The following NR3C2 variants were observed in gnomAD, a reference collection of about 807,000 sequenced individuals.
The protein encoded by NR3C2 is mineralocorticoid receptor.
Under a neutral mutation model 86.4 loss-of-function variants are expected in NR3C2, and 15 were observed. The observed-to-expected ratio is 0.17, with a 90% confidence interval of 0.12 to 0.27. The LOEUF is 0.27. Among genes scored for constraint, NR3C2 ranks in the 10% least tolerant of loss-of-function variants. NR3C2 has a pLI of 1.00. For synonymous variants in NR3C2, 458 were observed against 450.5 expected, an observed-to-expected ratio of 1.02 and a Z score of -0.21; for missense variants, 960 against 1,195.6, an observed-to-expected ratio of 0.80 and a Z score of 2.91.
intron 2 of NR3C2, among the ~76,000 whole-genome samples, chr4:148,325,722 T>A (rs182782840): frequency 6.6e-6 from 1 of 152,208 alleles, no homozygotes; most frequent in South Asian, 2.1e-4. Context: ...CGGTAGCAAA[T>A]GGTAAGTTTT....
intron 2 of NR3C2, among the ~76,000 whole-genome samples, chr4:148,357,628 C>G (rs895733046): frequency 6.6e-6 from 1 of 152,068 alleles, no homozygotes; most frequent in African/African-American, 2.4e-5. Context: ...AGGAAAATAC[C>G]AACATGACAA....
intron 2 of NR3C2, among the ~76,000 whole-genome samples, chr4:148,336,672 C>G (rs915187281): frequency 6.6e-6 from 1 of 152,120 alleles, no homozygotes; most frequent in African/African-American, 2.4e-5. Context: ...ACAGAGTTTT[C>G]TAGATTTTGG....
chr4:148,321,089 A>G (rs1194356276), intron 2 of NR3C2, among the ~76,000 whole-genome samples: 3 of 150,624 alleles, frequency 2.0e-5, no homozygotes, highest in Non-Finnish European at 4.4e-5. Flanking sequence ...CTTTGTTCTC[A>G]TTGGTTTCAA....
intron 1 of NR3C2, among the ~76,000 whole-genome samples, chr4:148,437,792 T>C (rs1750150422): frequency 6.6e-6 from 1 of 152,156 alleles, no homozygotes; most frequent in South Asian, 2.1e-4. Context: ...ACCCTTGGCC[T>C]TAGACCAGTC....
At chr4:148,373,891 T>C (rs534917770) in intron 2 of NR3C2, among the ~76,000 whole-genome samples, 1 of 152,298 alleles carries the variant, frequency 6.6e-6, no homozygotes, top group East Asian at 1.9e-4. Flanking sequence ...ATCCTTATTC[T>C]AGAAGCAAGA....
At chr4:148,256,768 G>A (rs1244516191) in intron 3 of NR3C2, among the ~76,000 whole-genome samples, 2 of 152,036 alleles carry the variant, frequency 1.3e-5, no homozygotes, top group Non-Finnish European at 2.9e-5. Context: ...CCATTTGTAA[G>A]GTACAATAAT....
At chr4:148,421,218 ATTAAG>A (rs374739309) in intron 2 of NR3C2, among the ~76,000 whole-genome samples, 22 of 152,332 alleles carry the variant, frequency 1.4e-4, no homozygotes, top group Middle Eastern at 3.4e-3. Flanking sequence ...CATATTCACC[ATTAAG>A]TTAAGTGGCA....
rs1746371039 is a variant in NR3C2 at position 148,370,645 on chromosome 4, T to C, written c.1757+64459A>G. Reference sequence around the variant, plus strand: ...CTCCAACTATGAAGTTTATAAGAAATTAAAATGGATGAATGGGAGGGGGTG... The same window carrying C: ...CTCCAACTATGAAGTTTATAAGAAACTAAAATGGATGAATGGGAGGGGGTG... On this transcript the variant is annotated intron_variant, in intron 2 of 8. Coordinates refer to ENST00000358102, the MANE Select transcript of NR3C2 (RefSeq NM_000901.5). Among the ~76,000 whole-genome samples the C allele has an allele frequency of 3.9e-5, 6 of 152,014 alleles. No homozygotes were observed. In the South Asian group the frequency reaches 1.2e-3, roughly 31 times the overall value.
At chr4:148,389,730 A>G (rs1441202346) in intron 2 of NR3C2, among the ~76,000 whole-genome samples, 2 of 152,170 alleles carry the variant, frequency 1.3e-5, no homozygotes, top group Non-Finnish European at 2.9e-5. Context: ...TATACATTCC[A>G]TAGGTGATTA....
chr4:148,154,097 C>A (rs982872518), intron 5 of NR3C2, among the ~76,000 whole-genome samples: 1 of 150,788 alleles, frequency 6.6e-6, no homozygotes, highest in Non-Finnish European at 1.5e-5. Context: ...CAGCCTCTGC[C>A]GCCCAGGTTC....
intron 2 of NR3C2, among the ~76,000 whole-genome samples, chr4:148,314,357 A>G (rs2149940968): frequency 6.6e-6 from 1 of 152,280 alleles, no homozygotes. Flanking sequence ...TAGATATATA[A>G]CTATGCTTAA....
intron 2 of NR3C2, among the ~76,000 whole-genome samples, chr4:148,403,849 C>T (rs1748283359): frequency 1.3e-5 from 2 of 151,874 alleles, no homozygotes; most frequent in African/African-American, 4.8e-5. Flanking sequence ...TTTCAAGTTC[C>T]CATTTATGTA....
Position 148,414,061 on chromosome 4 carries a change from A to C in NR3C2, c.1757+21043T>G, listed in dbSNP as rs533338402. The stretch of plus-strand genomic sequence containing the variant: ...AAAACTGGAAACAATCTAAATGTCC[A>C]TTAATAGGGAACCAGATAAGCGATA... On this transcript the variant is annotated intron_variant, in intron 2 of 8. Transcript: ENST00000358102. Among the ~76,000 whole-genome samples, 5 of 152,328 alleles carry C rather than the reference A, an allele frequency of 3.3e-5. No homozygotes were observed. The South Asian group carries it at 8.3e-4, about 25-fold the overall frequency.
At position 148,319,942 on chromosome 4, in the gene NR3C2, C is replaced by T. The variant is rs1416517145; in HGVS notation, c.1758-59825G>A. Among the ~76,000 whole-genome samples the T allele has an allele frequency of 4.3e-3, 620 of 145,138 alleles. 3 individuals are homozygous for T. Among genetic ancestry groups the T allele is most frequent in the African/African-American group, 0.016 (599 of 37,656 alleles). On this transcript the variant is annotated intron_variant, in intron 2 of 8. Coordinates refer to ENST00000358102, the MANE Select transcript of NR3C2 (RefSeq NM_000901.5). ...GAATAGGAGTGGTGAGAGAGGGCAT[C>T]CCTGTCTTGTGCCAGTTTTCAAAGG...
intron 2 of NR3C2, among the ~76,000 whole-genome samples, chr4:148,385,734 G>GCA (rs998356170): frequency 1.3e-5 from 2 of 152,114 alleles, no homozygotes; most frequent in Non-Finnish European, 2.9e-5. Context: ...CACCTCAGCT[G>GCA]CACATACTCC....
chr4:148,321,107 C>A (rs201695686), intron 2 of NR3C2, among the ~76,000 whole-genome samples: 2 of 150,048 alleles, frequency 1.3e-5, no homozygotes, highest in East Asian at 4.0e-4. Flanking sequence ...CAAAGAACAT[C>A]TTCATTTCTG....
chr4:148,374,898 C>T (rs898520554), intron 2 of NR3C2, among the ~76,000 whole-genome samples: 4 of 152,138 alleles, frequency 2.6e-5, no homozygotes, highest in African/African-American at 2.4e-5. Context: ...ACACCCTCTA[C>T]TTTTCATTAT....
chr4:148,154,014 C>CTT (rs5862828), intron 5 of NR3C2, among the ~76,000 whole-genome samples: 125 of 145,286 alleles, frequency 8.6e-4, no homozygotes, highest in African/African-American at 2.0e-3. Flanking sequence ...TTTTTAATTT[C>CTT]TTTTTTTTTT....
At chr4:148,381,723 A>G (rs1182237708) in intron 2 of NR3C2, among the ~76,000 whole-genome samples, 2 of 152,242 alleles carry the variant, frequency 1.3e-5, no homozygotes, top group Admixed American at 6.5e-5. Flanking sequence ...TCAGTCTAGG[A>G]TCACTAACTC....
Sources: gnomAD v4.1 joint callset for allele counts (sites outside exome capture counted in the v4.1 genomes callset) on GRCh38, gnomAD v4.1.1 for gene constraint, MANE v1.5 for transcripts, NCBI Gene and HGNC (gene_info 2026-07-23, HGNC 2026-07-21) for gene names.